Variants in DUX4 observed in about 807,000 individuals in gnomAD.
DUX4 encodes the protein double homeobox protein 4.
downstream of DUX4, among the ~76,000 whole-genome samples, chr4:190,176,132 C>G (rs1342061006): frequency 7.1e-5 from 8 of 112,628 alleles, 2 homozygotes; most frequent in African/African-American, 1.3e-4. Context: ...TGTTCCCTCC[C>G]TGGGCTGATC....
At chr4:190,177,901 G>GTT (rs1742394529), downstream of DUX4, among the ~76,000 whole-genome samples, 1 of 39,498 alleles carries the variant, frequency 2.5e-5, no homozygotes. Context: ...TGACAAAAGT[G>GTT]ACATCACCTG....
downstream of DUX4, among the ~76,000 whole-genome samples, chr4:190,180,109 A>C (rs1210128201): frequency 2.3e-4 from 5 of 21,832 alleles, no homozygotes; most frequent in Admixed American, 5.0e-4. Context: ...TCAGTGCAGA[A>C]ATATGTGACA....
chr4:190,177,758 A>T (rs1579833264), downstream of DUX4, among the ~76,000 whole-genome samples: 35 of 149,784 alleles, frequency 2.3e-4, no homozygotes, highest in South Asian at 1.3e-3. Flanking sequence ...GAGCCTAGAC[A>T]AGAGTCCCAT....
downstream of DUX4, among the ~76,000 whole-genome samples, chr4:190,177,082 C>A (rs1742340722): frequency 3.1e-3 from 436 of 142,542 alleles, no homozygotes; most frequent in Middle Eastern, 0.03. Flanking sequence ...AGAGAAGAGT[C>A]CCATCACCTG....
chr4:190,181,089 CT>C (rs1742544858), intron 1 of DUX4, among the ~76,000 whole-genome samples: 2 of 80,896 alleles, frequency 2.5e-5, no homozygotes, highest in African/African-American at 9.7e-5. Context: ...GACAAGGCCC[CT>C]TTAAGCAGAG....
intron 1 of DUX4, chr4:190,182,208 T>TG (rs1742605726): frequency 8.1e-5 from 9 of 110,484 alleles, no homozygotes; most frequent in East Asian, 6.3e-4. Context: ...GGGTGAGGGT[T>TG]AGGGTGAGGG....
intron 1 of DUX4, among the ~76,000 whole-genome samples, chr4:190,181,241 G>C (rs1742556054): frequency 0.039 from 4,781 of 121,990 alleles, no homozygotes; most frequent in South Asian, 0.047. Flanking sequence ...GCAAATCCAA[G>C]ACAAGAGTCT....
At chr4:190,180,017 ACATCACCTGTGTGATCAGTGCAG>A (rs1742526017), downstream of DUX4, among the ~76,000 whole-genome samples, 3 of 133,478 alleles carry the variant, frequency 2.2e-5, no homozygotes, top group Non-Finnish European at 3.1e-5. Flanking sequence ...AACTAGAGTT[ACATCACCTGTGTGATCAGTGCAG>A]AGATATGTCA....
chr4:190,179,034 G>GTTAA (rs1742473056), downstream of DUX4, among the ~76,000 whole-genome samples: 1 of 6,842 alleles, frequency 1.5e-4, no homozygotes, highest in African/African-American at 6.3e-4. Context: ...ATGTCACAAA[G>GTTAA]TCCCTTTAGG....
At chr4:190,178,622 C>CAAATTTCCCT (rs1742437565), downstream of DUX4, among the ~76,000 whole-genome samples, 5 of 78,308 alleles carry the variant, frequency 6.4e-5, no homozygotes, top group South Asian at 6.8e-4. Flanking sequence ...AGAGATTTGT[C>CAAATTTCCCT]GAAATTCCCT....
chr4:190,179,447 C>A (rs1579835524), downstream of DUX4, among the ~76,000 whole-genome samples: 26 of 151,212 alleles, frequency 1.7e-4, no homozygotes, highest in Non-Finnish European at 2.4e-4. Context: ...CACAAAGCAC[C>A]CTGTAAGCAG....
chr4:190,182,207 T>TGAGGG (rs1579838425), intron 1 of DUX4: 2 of 136,824 alleles, frequency 1.5e-5, no homozygotes, highest in Non-Finnish European at 3.3e-5. Context: ...AGGGTGAGGG[T>TGAGGG]TAGGGTGAGG....
rs1480766319 is a variant in DUX4 at position 190,183,772 on chromosome 4, GA to G, written n.93-1568del. On this transcript the variant is annotated intron_variant and non_coding_transcript_variant, in intron 1 of 2. Transcript: ENST00000563716. ...TACTTATGAATGGCAGAGATCTACA[GA>G]TTTGATTCTGATGTAAGAAATGATG... Among the ~76,000 whole-genome samples the G allele has an allele frequency of 1.1e-4, 13 of 116,276 alleles. 3 individuals carry two copies. The highest frequency in any genetic ancestry group is 2.0e-5 in the Non-Finnish European group (1 of 49,102). The allele number at this position is 116,276 out of a possible 152,430, so 76.3% of individuals were successfully genotyped here. A position where few individuals can be genotyped will look rare whatever the true frequency, so the allele number is the denominator to read the frequency against.
At chr4:190,176,670 T>A (rs1402184026), downstream of DUX4, among the ~76,000 whole-genome samples, 41 of 102,958 alleles carry the variant, frequency 4.0e-4, no homozygotes, top group East Asian at 1.4e-3. Context: ...TAGACAAGAG[T>A]TTCATCACTT....
downstream of DUX4, among the ~76,000 whole-genome samples, chr4:190,180,124 C>CCCAAGTAGGTAGA (rs1742532489): frequency 1.6e-5 from 1 of 62,208 alleles, no homozygotes; most frequent in Non-Finnish European, 3.4e-5. Context: ...GTGACAATGC[C>CCCAAGTAGGTAGA]GCCAGTAGGC....
At chr4:190,178,568 AGG>A, downstream of DUX4, among the ~76,000 whole-genome samples, 19 of 132,302 alleles carry the variant, frequency 1.4e-4, no homozygotes, top group African/African-American at 4.5e-4. Flanking sequence ...CGCCCCCTGT[AGG>A]CAGAGGGTAG....
chr4:190,179,867 C>A (rs1742517490), downstream of DUX4, among the ~76,000 whole-genome samples: 3 of 113,302 alleles, frequency 2.6e-5, no homozygotes, highest in African/African-American at 7.1e-5. Context: ...GTAAGCAGAG[C>A]CTAGACAAGA....
chr4:190,183,717 A>G (rs2126587301), intron 1 of DUX4, among the ~76,000 whole-genome samples: 1 of 114,636 alleles, frequency 8.7e-6, no homozygotes, highest in South Asian at 3.1e-4. Context: ...TTCTTATTTT[A>G]AGGAAAATAT....
At chr4:190,179,794 C>CT (rs1742512944), downstream of DUX4, among the ~76,000 whole-genome samples, 7 of 5,838 alleles carry the variant, frequency 1.2e-3, no homozygotes, top group East Asian at 8.0e-3. Flanking sequence ...CCCCTGTAGG[C>CT]AAGCCTACAC....
Sources: allele counts gnomAD v4.1 joint callset (sites outside exome capture counted in the v4.1 genomes callset), GRCh38; gene constraint gnomAD v4.1.1; transcripts MANE v1.5; gene names NCBI Gene and HGNC (gene_info 2026-07-23, HGNC 2026-07-21).